DOCK8: variants seen among roughly 807,000 people sequenced by gnomAD.
DOCK8 encodes the protein dedicator of cytokinesis 8.
In DOCK8, 141 loss-of-function variants were observed where a neutral mutation model predicts 245.6. The observed-to-expected ratio is 0.57, with a 90% CI of 0.50 to 0.66. The LOEUF (loss-of-function observed/expected upper bound fraction) is 0.66. Ranked by LOEUF, DOCK8 falls within the 30% of genes least tolerant of loss-of-function variation. The pLI is 0.00. For synonymous variants in DOCK8, 1,168 were observed against 970.2 expected (o/e 1.20, Z -3.79); for missense variants, 2,965 against 2,603.4 (o/e 1.14, Z -3.02).
chr9:433,364 C>A (rs979776395), intron 37 of DOCK8, among the ~76,000 whole-genome samples: 1 of 152,144 alleles, frequency 6.6e-6, no homozygotes, highest in Non-Finnish European at 1.5e-5. Context: ...AAGCCATAGT[C>A]TCTCCCTGTT....
chr9:457,452 G>A lies in DOCK8; in HGVS notation c.6068+5335G>A, dbSNP rs972596800. On this transcript the variant is annotated intron_variant, in intron 46 of 47. Coordinates refer to ENST00000432829, the MANE Select transcript of DOCK8 (RefSeq NM_203447.4). ...AGTAAGTGTAACATTGTTCAGTGGG[G>A]CAAATAGGGGACTGATGGATTTGAG... Among the ~76,000 whole-genome samples the A allele has an allele frequency of 6.6e-5, 10 of 152,318 alleles. No homozygotes were observed. The East Asian group carries it at 1.9e-3, about 29-fold the overall frequency.
At chr9:426,089 T>C (rs2131685012) in intron 33 of DOCK8, among the ~76,000 whole-genome samples, 1 of 152,216 alleles carries the variant, frequency 6.6e-6, no homozygotes, top group Non-Finnish European at 1.5e-5. Context: ...TACCTCCCTT[T>C]CCTTGCAACT....
At chr9:434,342 A>C (rs1017865540) in intron 38 of DOCK8, among the ~76,000 whole-genome samples, 3 of 152,198 alleles carry the variant, frequency 2.0e-5, no homozygotes, top group African/African-American at 7.2e-5. Context: ...TTTAGAAATC[A>C]TTTTTTACGC....
chr9:224,975 C>G (rs890055748), intron 1 of DOCK8, among the ~76,000 whole-genome samples: 1 of 152,206 alleles, frequency 6.6e-6, no homozygotes, highest in Non-Finnish European at 1.5e-5. Flanking sequence ...ATATCTTACT[C>G]TTTCATTCCA....
intron 39 of DOCK8, among the ~76,000 whole-genome samples, chr9:435,716 A>T (rs1168408791): frequency 4.6e-5 from 7 of 152,190 alleles, no homozygotes. Flanking sequence ...GGCAAAGGGA[A>T]ATTGTCTGCC....
chr9:439,767 GAAAA>G (rs548997965), intron 40 of DOCK8, among the ~76,000 whole-genome samples: 92 of 152,146 alleles, frequency 6.0e-4, no homozygotes, highest in African/African-American at 2.1e-3. Context: ...CTCTCAGAGA[GAAAA>G]AAATTAGGGA....
intron 24 of DOCK8, among the ~76,000 whole-genome samples, chr9:394,547 A>C (rs995815910): frequency 6.6e-6 from 1 of 152,246 alleles, no homozygotes; most frequent in Admixed American, 6.5e-5. Flanking sequence ...ATGAACAACC[A>C]CTTTGGCATT....
intron 1 of DOCK8, among the ~76,000 whole-genome samples, chr9:244,937 C>A (rs1251721251): frequency 6.6e-6 from 1 of 152,162 alleles, no homozygotes; most frequent in East Asian, 1.9e-4. Context: ...CAGGGGAATT[C>A]ATGAAGAGAC....
chr9:324,078 G>A lies in DOCK8; in HGVS notation c.828-1593G>A, dbSNP rs563493846. Among the ~76,000 whole-genome samples the A allele has an allele frequency of 2.8e-3, 420 of 152,310 alleles. 1 individual carries two copies. Among genetic ancestry groups the A allele is most frequent in the Non-Finnish European group, 3.2e-3 (221 of 68,036 alleles). On this transcript the variant is annotated intron_variant, in intron 7 of 47. Transcript: ENST00000432829. ...TACCTTATTTTGCAGATAAATAAAT[G>A]GAATTCAGAAAGGCGAGTAACCTGA...
At chr9:369,397 G>A (rs1377254870) in intron 15 of DOCK8, 1 of 152,270 alleles carries the variant, frequency 6.6e-6, no homozygotes, top group African/African-American at 2.4e-5. Context: ...ATGGGTTCTG[G>A]TGTTGGGATT....
chr9:414,952 G>C lies in DOCK8; in HGVS notation c.3700+1G>C, dbSNP rs2055920959. 6.2e-7 allele frequency: 1 copy of C among 1,613,058 alleles called. No individual in the cohort carries two copies. Among genetic ancestry groups the C allele is most frequent in the Admixed American group, 1.7e-5 (1 of 60,008 alleles). ...TTGCCACAGCTCTGTGACTTTACAGGTAATGGCCCTTCTGTTTTCTTTCTT... is the reference window on the plus strand; with the variant it reads ...TTGCCACAGCTCTGTGACTTTACAGCTAATGGCCCTTCTGTTTTCTTTCTT... On this transcript the variant is annotated splice_donor_variant, in intron 29 of 47. Coordinates refer to ENST00000432829, the MANE Select transcript of DOCK8 (RefSeq NM_203447.4). LOFTEE classifies it high-confidence loss of function.
chr9:348,041 C>T (rs558019684), intron 14 of DOCK8, among the ~76,000 whole-genome samples: 3 of 152,150 alleles, frequency 2.0e-5, no homozygotes, highest in Admixed American at 1.3e-4. Flanking sequence ...TTGCAGCATC[C>T]TCCGAGATCA....
intron 14 of DOCK8, among the ~76,000 whole-genome samples, chr9:356,056 A>G (rs990875981): frequency 2.0e-5 from 3 of 152,232 alleles, no homozygotes; most frequent in Admixed American, 6.5e-5. Flanking sequence ...GCTGGTGAAC[A>G]TATTTCTGAG....
At chr9:319,398 G>T (rs1419268324) in intron 7 of DOCK8, among the ~76,000 whole-genome samples, 1 of 152,182 alleles carries the variant, frequency 6.6e-6, no homozygotes, top group Non-Finnish European at 1.5e-5. Flanking sequence ...TGACATATTT[G>T]CCAGGTGCAC....
At position 446,487 on chromosome 9, in the gene DOCK8, A is replaced by G; in HGVS notation, c.5698A>G (p.Thr1900Ala). Residue 1900 changes from threonine to alanine, a missense_variant, in exon 44 of 48, where the codon ACC becomes GCC. Thr to Ala is a moderately conservative substitution (Grantham distance 58). Transcript: ENST00000432829. The part of the protein sequence containing the change: ...LRRFMYTTPF[T>A]LEGRPRGELH... Reference sequence around the variant, plus strand: ...GAGGTTCATGTACACCACCCCGTTCACCCTGGAGGGGCGGCCTCGGGGAGA... The same window carrying G: ...GAGGTTCATGTACACCACCCCGTTCGCCCTGGAGGGGCGGCCTCGGGGAGA... The G allele has an allele frequency of 6.2e-7, 1 of 1,614,154 alleles. No individual in the cohort carries two copies. The highest frequency in any genetic ancestry group is 8.5e-7 in the Non-Finnish European group (1 of 1,180,020).
At position 460,662 on chromosome 9, in the gene DOCK8, C is replaced by G. The variant is rs74999895; in HGVS notation, c.6069-2855C>G. Among the ~76,000 whole-genome samples the G allele has an allele frequency of 1.3e-3, 198 of 152,340 alleles. 2 individuals carry two copies. In the East Asian group the frequency reaches 0.036, roughly 28 times the overall value. On this transcript the variant is annotated intron_variant, in intron 46 of 47. Transcript: ENST00000432829. ...AGGTGAAAATCCAGTTAAGGGAGTT[C>G]TTTCAGATTCTGTGTGAGTTAAATC...
At chr9:403,916 ACATATATATATATGTG>A (rs2055251865) in intron 26 of DOCK8, among the ~76,000 whole-genome samples, 2 of 78,030 alleles carry the variant, frequency 2.6e-5, no homozygotes, top group African/African-American at 7.8e-5. Flanking sequence ...ATATATATAT[ACATATATATATATGTG>A]TATATATATA....
At chr9:449,390 C>T (rs2057361516) in intron 44 of DOCK8, among the ~76,000 whole-genome samples, 1 of 85,812 alleles carries the variant, frequency 1.2e-5, no homozygotes, top group Non-Finnish European at 2.9e-5. Flanking sequence ...GAGTAACTTG[C>T]TCAGTAATAG....
At chr9:275,212 CTT>C (rs112394846) in intron 2 of DOCK8, among the ~76,000 whole-genome samples, 6,417 of 151,202 alleles carry the variant, frequency 0.042, 197 homozygotes, top group African/African-American at 0.089. Flanking sequence ...GTATTGCTCT[CTT>C]ACGATTTGGC....
Sources: gnomAD v4.1 joint callset for allele counts (sites outside exome capture counted in the v4.1 genomes callset) on GRCh38, gnomAD v4.1.1 for gene constraint, MANE v1.5 for transcripts, NCBI Gene and HGNC (gene_info 2026-07-23, HGNC 2026-07-21) for gene names.